LRRC4C: variants seen among roughly 807,000 people sequenced by gnomAD.
The protein encoded by LRRC4C is leucine rich repeat containing 4C.
In LRRC4C, 5 loss-of-function variants were observed where a neutral mutation model predicts 33.6. The ratio of observed to expected loss-of-function variants is 0.15; its 90% CI spans 0.08 to 0.31. The LOEUF (loss-of-function observed/expected upper bound fraction) is 0.31, where lower values mean the gene tolerates loss of function less well. Ranked by LOEUF, LRRC4C falls within the 10% of genes least tolerant of loss-of-function variation. The pLI, the probability that LRRC4C is intolerant of heterozygous loss-of-function variation, is 1.00. For synonymous variants in LRRC4C, 329 were observed against 302.0 expected (o/e 1.09, Z -0.93); for missense variants, 560 against 796.7 (o/e 0.70, Z 3.58).
chr11:41,156,274 C>T (rs1041402309), intron 1 of LRRC4C, among the ~76,000 whole-genome samples: 16 of 152,004 alleles, frequency 1.1e-4, no homozygotes, highest in African/African-American at 2.4e-4. Flanking sequence ...TATTGACCAC[C>T]GGTGGCCCAT....
chr11:40,114,477 T>A lies in LRRC4C; in HGVS notation c.1816A>T (p.Asn606Tyr). 1 of 1,614,152 alleles carries A rather than the reference T, an allele frequency of 6.2e-7. No individual in the cohort carries two copies. The highest frequency in any genetic ancestry group is 8.5e-7 in the Non-Finnish European group (1 of 1,180,024). Reference sequence around the variant, plus strand: ...ATTGTGTTAACTGTTGTTGTGTGGTTGAAGGGAGATTTGTATGAGTTATAG... The same window carrying A: ...ATTGTGTTAACTGTTGTTGTGTGGTAGAAGGGAGATTTGTATGAGTTATAG... The part of the protein sequence containing the change: ...NHYNSYKSPF[N>Y]HTTTVNTINS... The change falls in exon 7 of 7, where the codon AAC becomes TAC. Residue 606 changes from asparagine to tyrosine, a missense_variant. This residue lies in a region of LRRC4C where 103 missense variants were observed against 132.1 expected (regional missense o/e 0.78). Coordinates refer to ENST00000528697, the MANE Select transcript of LRRC4C (RefSeq NM_001258419.2).
intron 5 of LRRC4C, among the ~76,000 whole-genome samples, chr11:40,202,007 A>G (rs912177416): frequency 6.6e-6 from 1 of 152,146 alleles, no homozygotes; most frequent in Non-Finnish European, 1.5e-5. Context: ...TAGAATCACA[A>G]AGATCTTTGT....
At chr11:40,675,768 G>C (rs1283274942) in intron 2 of LRRC4C, among the ~76,000 whole-genome samples, 1 of 152,134 alleles carries the variant, frequency 6.6e-6, no homozygotes, top group Non-Finnish European at 1.5e-5. Flanking sequence ...ACAGTCTTTT[G>C]AATGCCTAGG....
chr11:40,310,936 C>T lies in LRRC4C; in HGVS notation c.-176+8692G>A, dbSNP rs140149240. Among the ~76,000 whole-genome samples the T allele has an allele frequency of 2.7e-3, 407 of 152,216 alleles. 6 individuals are homozygous for T. In the East Asian group the frequency reaches 0.047, roughly 17 times the overall value. On this transcript the variant is annotated intron_variant, in intron 4 of 6. Transcript: ENST00000528697. Reference sequence around the variant, plus strand: ...ATTTTGAAAACCATATGCATTAATTCGGGATGTGATACACTGTATGGCTCA... The same window carrying T: ...ATTTTGAAAACCATATGCATTAATTTGGGATGTGATACACTGTATGGCTCA...
At chr11:40,685,459 G>C (rs1029593848) in intron 2 of LRRC4C, among the ~76,000 whole-genome samples, 1 of 151,810 alleles carries the variant, frequency 6.6e-6, no homozygotes, top group African/African-American at 2.4e-5. Context: ...AAGATTTAAG[G>C]TGGGCAAGCT....
intron 4 of LRRC4C, among the ~76,000 whole-genome samples, chr11:40,279,365 C>T (rs1280915257): frequency 1.3e-5 from 2 of 152,110 alleles, no homozygotes; most frequent in African/African-American, 4.8e-5. Context: ...CAAACTACAG[C>T]GCTATACAGA....
intron 2 of LRRC4C, among the ~76,000 whole-genome samples, chr11:40,904,283 T>C (rs1488987655): frequency 6.6e-6 from 1 of 152,146 alleles, no homozygotes; most frequent in Non-Finnish European, 1.5e-5. Flanking sequence ...AGAGAAGTCG[T>C]AGGTCACACA....
At chr11:41,352,490 C>G (rs1952017725) in intron 1 of LRRC4C, among the ~76,000 whole-genome samples, 1 of 152,054 alleles carries the variant, frequency 6.6e-6, no homozygotes, top group Non-Finnish European at 1.5e-5. Flanking sequence ...ACATTTGGGA[C>G]TTAAATCTGA....
At chr11:40,742,339 T>C (rs768065237) in intron 2 of LRRC4C, among the ~76,000 whole-genome samples, 2 of 152,014 alleles carry the variant, frequency 1.3e-5, no homozygotes, top group East Asian at 3.9e-4. Flanking sequence ...AGATAGGATG[T>C]CTCAAATTAT....
At chr11:40,668,957 G>C (rs1487043660) in intron 2 of LRRC4C, among the ~76,000 whole-genome samples, 5 of 152,152 alleles carry the variant, frequency 3.3e-5, no homozygotes, top group Admixed American at 3.3e-4. Flanking sequence ...CCTCTGTTTT[G>C]ATCCTTGGTT....
At chr11:41,185,277 T>C (rs1268126058) in intron 1 of LRRC4C, among the ~76,000 whole-genome samples, 1 of 152,148 alleles carries the variant, frequency 6.6e-6, no homozygotes, top group Non-Finnish European at 1.5e-5. Flanking sequence ...AAAATATACA[T>C]TATCAATTAC....
At chr11:41,047,234 T>A (rs1040037284) in intron 1 of LRRC4C, among the ~76,000 whole-genome samples, 9 of 152,096 alleles carry the variant, frequency 5.9e-5, no homozygotes, top group Non-Finnish European at 1.3e-4. Flanking sequence ...TCTAGTTGAA[T>A]AAGCATATAA....
At chr11:40,965,068 T>A (rs2136920247) in intron 1 of LRRC4C, among the ~76,000 whole-genome samples, 1 of 152,260 alleles carries the variant, frequency 6.6e-6, no homozygotes, top group East Asian at 1.9e-4. Context: ...CCATTCTAAC[T>A]GGTGTGAGAT....
intron 1 of LRRC4C, among the ~76,000 whole-genome samples, chr11:40,976,478 G>A (rs1481318335): frequency 6.6e-6 from 1 of 152,200 alleles, no homozygotes; most frequent in East Asian, 1.9e-4. Flanking sequence ...TTTGTCACCA[G>A]CGTGATGCTA....
intron 5 of LRRC4C, among the ~76,000 whole-genome samples, chr11:40,215,243 T>A (rs1249660163): frequency 1.3e-5 from 2 of 152,116 alleles, no homozygotes; most frequent in Non-Finnish European, 2.9e-5. Flanking sequence ...CATAATATTA[T>A]CTCCACTTTA....
intron 3 of LRRC4C, among the ~76,000 whole-genome samples, chr11:40,636,568 A>G (rs911302697): frequency 7.2e-5 from 11 of 152,180 alleles, no homozygotes; most frequent in African/African-American, 2.7e-4. Context: ...TTAACTGTCA[A>G]TGTTCTCATA....
intron 1 of LRRC4C, among the ~76,000 whole-genome samples, chr11:40,945,793 T>C (rs1240870105): frequency 1.3e-5 from 2 of 152,152 alleles, no homozygotes; most frequent in Admixed American, 6.5e-5. Context: ...TATCAAACAG[T>C]ACAAACCACA....
At chr11:40,995,318 T>C (rs959225885) in intron 1 of LRRC4C, among the ~76,000 whole-genome samples, 1 of 152,076 alleles carries the variant, frequency 6.6e-6, no homozygotes, top group Non-Finnish European at 1.5e-5. Context: ...ATAAAAGTGC[T>C]TAAACAGGCT....
chr11:40,934,809 C>A (rs1957797019), intron 1 of LRRC4C, among the ~76,000 whole-genome samples: 1 of 152,036 alleles, frequency 6.6e-6, no homozygotes, highest in African/African-American at 2.4e-5. Context: ...TATTTTAGCC[C>A]AGCCAACTCT....
Sources: allele counts gnomAD v4.1 joint callset (sites outside exome capture counted in the v4.1 genomes callset), GRCh38; gene constraint gnomAD v4.1.1; regional missense constraint gnomAD v4.1.1; transcripts MANE v1.5; gene names NCBI Gene and HGNC (gene_info 2026-07-23, HGNC 2026-07-21).